The following ZFPM2 variants were observed in gnomAD, a reference collection of about 807,000 sequenced individuals.
The protein encoded by ZFPM2 is zinc finger protein ZFPM2.
A neutral mutation model predicts 98.6 loss-of-function variants in ZFPM2; 20 were observed. That is an observed-to-expected ratio of 0.20 (90% confidence interval 0.14 to 0.29). The LOEUF (loss-of-function observed/expected upper bound fraction) is 0.29. Ranked by LOEUF, ZFPM2 falls within the 10% of genes least tolerant of loss-of-function variation. ZFPM2 has a pLI of 1.00. For synonymous variants in ZFPM2, 518 were observed against 502.7 expected (o/e 1.03, Z -0.41); for missense variants, 1,310 against 1,388.6 (o/e 0.94, Z 0.90).
In ZFPM2 at chr8:105,792,448, A is replaced by T. The variant is rs191751154; in HGVS notation, c.739+3524A>T. ...GTTCTAGTTTGATTGCACTGTGGTC[A>T]GAGATATAGTTTGTTATAATTTCTG... On this transcript the variant is annotated intron_variant, in intron 6 of 7. Transcript: ENST00000407775. 7.0e-4 allele frequency among the ~76,000 whole-genome samples: 106 copies of T among 152,236 alleles called. No homozygotes were observed. In the East Asian group the frequency reaches 0.013, roughly 19 times the overall value.
At chr8:105,482,991 A>G (rs866001697) in intron 3 of ZFPM2, among the ~76,000 whole-genome samples, 1 of 7,910 alleles carries the variant, frequency 1.3e-4, no homozygotes, top group Non-Finnish European at 2.4e-4. Context: ...CCCTCCCCCC[A>G]TCCTTTCCTT....
intron 5 of ZFPM2, among the ~76,000 whole-genome samples, chr8:105,723,324 A>G (rs1487690549): frequency 6.6e-6 from 1 of 151,840 alleles, no homozygotes; most frequent in African/African-American, 2.4e-5. Context: ...CGGCATATTC[A>G]GTGGTATAAT....
chr8:105,471,873 C>T (rs1394668868), intron 3 of ZFPM2, among the ~76,000 whole-genome samples: 2 of 152,048 alleles, frequency 1.3e-5, no homozygotes, highest in African/African-American at 4.8e-5. Context: ...GTCTCCTTAT[C>T]ATAAAAAGAA....
intron 4 of ZFPM2, among the ~76,000 whole-genome samples, chr8:105,581,918 A>G (rs1156524939): frequency 7.2e-5 from 11 of 152,170 alleles, no homozygotes; most frequent in Non-Finnish European, 1.2e-4. Context: ...GAAGATTGTG[A>G]TCTTATCCCA....
intron 5 of ZFPM2, among the ~76,000 whole-genome samples, chr8:105,659,263 A>G (rs1817344658): frequency 6.6e-6 from 1 of 152,228 alleles, no homozygotes; most frequent in African/African-American, 2.4e-5. Flanking sequence ...AGAAAAAAAA[A>G]AGCAAATAAA....
chr8:105,769,978 T>A (rs1300792179), intron 5 of ZFPM2, among the ~76,000 whole-genome samples: 1 of 152,128 alleles, frequency 6.6e-6, no homozygotes, highest in Non-Finnish European at 1.5e-5. Context: ...TTCTTATATG[T>A]GTTAAAAACA....
chr8:105,754,943 A>AAT (rs754604531), intron 5 of ZFPM2, among the ~76,000 whole-genome samples: 3 of 125,462 alleles, frequency 2.4e-5, no homozygotes, highest in East Asian at 2.5e-4. Flanking sequence ...GGAGAAATTT[A>AAT]ATATGTGTGT....
At chr8:105,349,052 T>G (rs1248175836) in intron 1 of ZFPM2, among the ~76,000 whole-genome samples, 1 of 152,180 alleles carries the variant, frequency 6.6e-6, no homozygotes, top group Non-Finnish European at 1.5e-5. Flanking sequence ...CAGAAAAAGA[T>G]GATAAATGAG....
At chr8:105,676,056 C>T (rs867884911) in intron 5 of ZFPM2, 1 of 152,126 alleles carries the variant, frequency 6.6e-6, no homozygotes, top group Non-Finnish European at 1.5e-5. Context: ...AATTATAGGC[C>T]AGATGCCATT....
At chr8:105,582,686 C>T (rs763021412) in intron 4 of ZFPM2, among the ~76,000 whole-genome samples, 9 of 152,112 alleles carry the variant, frequency 5.9e-5, no homozygotes, top group South Asian at 2.1e-4. Flanking sequence ...CTCCACCTCT[C>T]GGGCTCAAGC....
chr8:105,773,217 T>C (rs575240394), intron 5 of ZFPM2, among the ~76,000 whole-genome samples: 1 of 152,292 alleles, frequency 6.6e-6, no homozygotes, highest in East Asian at 1.9e-4. Context: ...TATACCAACA[T>C]ATAAAGGCAG....
At chr8:105,739,241 G>A (rs140966704) in intron 5 of ZFPM2, among the ~76,000 whole-genome samples, 1,879 of 152,086 alleles carry the variant, frequency 0.012, 17 homozygotes, top group Non-Finnish European at 0.02. Flanking sequence ...TTAAGCAAAA[G>A]TCCCATTAAA....
intron 5 of ZFPM2, among the ~76,000 whole-genome samples, chr8:105,697,003 C>A (rs1811032809): frequency 6.6e-6 from 1 of 152,058 alleles, no homozygotes; most frequent in Admixed American, 6.6e-5. Flanking sequence ...AAGAATTAAG[C>A]CAAATATATA....
chr8:105,330,627 T>C (rs61105221), intron 1 of ZFPM2, among the ~76,000 whole-genome samples: 17,771 of 80,104 alleles, frequency 0.22, 1,904 homozygotes, highest in Admixed American at 0.35. Context: ...TATATATATA[T>C]ATATACATAT....
At chr8:105,439,506 A>C (rs1586372773) in intron 2 of ZFPM2, among the ~76,000 whole-genome samples, 1 of 152,312 alleles carries the variant, frequency 6.6e-6, no homozygotes, top group South Asian at 2.1e-4. Flanking sequence ...AGATTTACAT[A>C]AAACTGCTTC....
intron 3 of ZFPM2, among the ~76,000 whole-genome samples, chr8:105,536,453 T>TA (rs2130610663): frequency 6.6e-6 from 1 of 152,246 alleles, no homozygotes; most frequent in South Asian, 2.1e-4. Context: ...ATCTTTTTTT[T>TA]ATGCTGTACT....
At chr8:105,609,848 T>C (rs1367127766) in intron 4 of ZFPM2, among the ~76,000 whole-genome samples, 2 of 152,178 alleles carry the variant, frequency 1.3e-5, no homozygotes, top group Admixed American at 6.5e-5. Context: ...TGGCTATTTA[T>C]TGAATGGAAA....
chr8:105,769,369 G>T (rs1448195839), intron 5 of ZFPM2, among the ~76,000 whole-genome samples: 16 of 151,944 alleles, frequency 1.1e-4, no homozygotes, highest in Admixed American at 6.6e-5. Flanking sequence ...ATCCTTGCAG[G>T]TCCCTTCGAG....
intron 3 of ZFPM2, among the ~76,000 whole-genome samples, chr8:105,539,779 A>G (rs1586447629): frequency 6.6e-6 from 1 of 152,322 alleles, no homozygotes; most frequent in African/African-American, 2.4e-5. Context: ...ATCATGGAAG[A>G]CTTCTGTCGT....
Sources: allele counts gnomAD v4.1 joint callset (sites outside exome capture counted in the v4.1 genomes callset), GRCh38; gene constraint gnomAD v4.1.1; transcripts MANE v1.5; gene names NCBI Gene and HGNC (gene_info 2026-07-23, HGNC 2026-07-21).